Variants in ALG12 observed in about 807,000 individuals in gnomAD.
ALG12 encodes ALG12 alpha-1,6-mannosyltransferase.
In ALG12, 36 loss-of-function variants were observed where a neutral mutation model predicts 46.0. That is an observed-to-expected ratio of 0.78 (90% CI 0.60 to 1.03). The LOEUF (loss-of-function observed/expected upper bound fraction) is 1.03, where lower values mean the gene tolerates loss of function less well. Ranked by LOEUF, ALG12 falls within the 50% of genes least tolerant of loss-of-function variation. The pLI is 0.00. For synonymous variants in ALG12, 326 were observed against 291.6 expected (o/e 1.12, Z -1.20); for missense variants, 599 against 633.5 (o/e 0.95, Z 0.58).
downstream of ALG12, among the ~76,000 whole-genome samples, chr22:49,897,579 T>G (rs1015611147): frequency 4.6e-5 from 7 of 152,108 alleles, no homozygotes; most frequent in Non-Finnish European, 1.0e-4. Flanking sequence ...GACCATATAA[T>G]GAGGAGCATT....
Position 49,907,866 on chromosome 22 carries a change from A to C in ALG12, c.847T>G (p.Leu283Val). 1 of 1,613,984 alleles carries C rather than the reference A, an allele frequency of 6.2e-7. No homozygotes were observed. Among genetic ancestry groups the C allele is most frequent in the Non-Finnish European group, 8.5e-7 (1 of 1,180,028 alleles). ...GGCGCGTGCGTCCTTCTGTCTACCAAGCCCAGGGGGATGAAGAGCAGGCTG... is the reference window on the plus strand; with the variant it reads ...GGCGCGTGCGTCCTTCTGTCTACCACGCCCAGGGGGATGAAGAGCAGGCTG... ...GCSLLFIPLG[L>V]VDRRTHAPTV... Residue 283 changes from leucine to valine, a missense_variant, in exon 7 of 10, where the codon TTG becomes GTG. Physicochemically the swap from Leu to Val is conservative, Grantham distance 32. Coordinates refer to ENST00000330817, the MANE Select transcript of ALG12 (RefSeq NM_024105.4).
the ALG12 span, among the ~76,000 whole-genome samples, chr22:49,861,187 T>G: frequency 6.6e-6 from 1 of 152,174 alleles, no homozygotes; most frequent in South Asian, 2.1e-4. Flanking sequence ...TGACACTGTG[T>G]GTGTCTGGTT....
the ALG12 span, among the ~76,000 whole-genome samples, chr22:49,890,594 G>A: frequency 6.6e-6 from 1 of 152,200 alleles, no homozygotes; most frequent in Admixed American, 6.5e-5. Flanking sequence ...AACTCTTGAA[G>A]AATTGCCCTT....
chr22:49,884,460 T>G, the ALG12 span: 8 of 1,614,120 alleles, frequency 5.0e-6, no homozygotes, highest in South Asian at 8.8e-5. Flanking sequence ...ACGATGAACC[T>G]GCAGAGAACT....
chr22:49,879,079 A>AGGTTGCAG, the ALG12 span, among the ~76,000 whole-genome samples: 8 of 146,338 alleles, frequency 5.5e-5, no homozygotes, highest in South Asian at 2.4e-4. Context: ...GGGGAGGTGG[A>AGGTTGCAG]GGTTGCAGTG....
chr22:49,904,526 ACAT>A lies in ALG12; in HGVS notation c.993-23_993-21del, dbSNP rs1272361483. On this transcript the variant is annotated intron_variant, in intron 7 of 9. Coordinates refer to ENST00000330817, the MANE Select transcript of ALG12 (RefSeq NM_024105.4). ...TTCAGCCTGAAAAAAGAATGGTTAC[ACAT>A]CATAGGCAGAACGTAATGACAATAA... 6.2e-7 allele frequency: 1 copy of A among 1,613,882 alleles called. No homozygotes were observed. The highest frequency in any genetic ancestry group is 1.3e-5 in the African/African-American group (1 of 74,936).
chr22:49,910,710 T>C (rs2060571930), intron 3 of ALG12, 103 bp from the exon 4 acceptor site: 1 of 1,365,488 alleles, frequency 7.3e-7, no homozygotes, highest in Non-Finnish European at 1.0e-6. Flanking sequence ...TGGAGTTTTC[T>C]ATGCTGCTGC....
Position 49,906,850 on chromosome 22 carries a change from G to A in ALG12, c.992+871C>T, listed in dbSNP as rs1162755536. On this transcript the variant is annotated intron_variant, in intron 7 of 9. Coordinates refer to ENST00000330817, the MANE Select transcript of ALG12 (RefSeq NM_024105.4). This position sits in a 1 kb window ranked among gnomAD's most constrained non-coding sequence, Gnocchi z 4.4. Reference sequence around the variant, plus strand: ...ATGGACTCTCCTGGGCCTGAGCCCCGGGTCCTTCCCCAGCACCCACAGGGC... The same window carrying A: ...ATGGACTCTCCTGGGCCTGAGCCCCAGGTCCTTCCCCAGCACCCACAGGGC... Among the ~76,000 whole-genome samples the A allele has an allele frequency of 2.0e-5, 3 of 152,032 alleles. No homozygotes were observed. Among genetic ancestry groups the A allele is most frequent in the African/African-American group, 4.8e-5 (2 of 41,354 alleles).
At chr22:49,912,591 G>T (rs946505163) in intron 3 of ALG12, among the ~76,000 whole-genome samples, 1 of 152,178 alleles carries the variant, frequency 6.6e-6, no homozygotes, top group South Asian at 2.1e-4. Flanking sequence ...CCCCAGGAAC[G>T]TGCTACTTCT....
At chr22:49,915,228 C>A (rs976034597) in intron 1 of ALG12, among the ~76,000 whole-genome samples, 1 of 152,136 alleles carries the variant, frequency 6.6e-6, no homozygotes, top group South Asian at 2.1e-4. Context: ...AAACCTGGGG[C>A]CGGGCGCGGT....
chr22:49,869,021 G>A, the ALG12 span, among the ~76,000 whole-genome samples: 1 of 151,038 alleles, frequency 6.6e-6, no homozygotes, highest in East Asian at 1.9e-4. Context: ...CTGCTTGTGA[G>A]ACTGAGGCAG....
the ALG12 span, among the ~76,000 whole-genome samples, chr22:49,875,712 C>T: frequency 1.3e-4 from 20 of 152,218 alleles, no homozygotes; most frequent in East Asian, 1.4e-3. Flanking sequence ...TGAGTCACCC[C>T]GCCCAGCTTG....
chr22:49,897,113 C>A (rs2060486462), downstream of ALG12, among the ~76,000 whole-genome samples: 1 of 125,448 alleles, frequency 8.0e-6, no homozygotes, highest in Non-Finnish European at 1.5e-5. Context: ...CCTTTTCAGA[C>A]TGGCTTCATT....
intron 1 of ALG12, among the ~76,000 whole-genome samples, chr22:49,914,295 C>T (rs561974804): frequency 6.0e-4 from 92 of 152,324 alleles, no homozygotes; most frequent in African/African-American, 2.2e-3. Context: ...GGACAGGGGC[C>T]CCGGGAGGGC....
chr22:49,895,560 G>C (rs1036094930), downstream of ALG12, among the ~76,000 whole-genome samples: 1 of 152,014 alleles, frequency 6.6e-6, no homozygotes, highest in Non-Finnish European at 1.5e-5. Context: ...GCTGAAGCAG[G>C]AGAATCACTT....
chr22:49,904,595 T>C, intron 7 of ALG12, 89 bp from the exon 8 acceptor site: 17 of 1,445,872 alleles, frequency 1.2e-5, no homozygotes, highest in Non-Finnish European at 1.5e-5. Context: ...CATAACCTGC[T>C]GTTCAACTTC....
chr22:49,871,753 A>ATTTTTT, the ALG12 span, among the ~76,000 whole-genome samples: 1 of 46,734 alleles, frequency 2.1e-5, no homozygotes, highest in African/African-American at 4.7e-5. Flanking sequence ...TTATTTATTT[A>ATTTTTT]TTTATTTTTT....
rs77627744 is a variant in ALG12 at position 49,906,698 on chromosome 22, G to A, written c.992+1023C>T. Reference sequence around the variant, plus strand: ...GGCCCTCCTGGCCTGTAGCCCTGCCGCCCCTCAATGCCCAGCGTGGCCTGA... The same window carrying A: ...GGCCCTCCTGGCCTGTAGCCCTGCCACCCCTCAATGCCCAGCGTGGCCTGA... On this transcript the variant is annotated intron_variant, in intron 7 of 9. Coordinates refer to ENST00000330817, the MANE Select transcript of ALG12 (RefSeq NM_024105.4). The surrounding 1 kb of genome is among the most constrained non-coding windows in gnomAD (Gnocchi z 4.4). Among the ~76,000 whole-genome samples the A allele has an allele frequency of 9.9e-3, 1,511 of 152,242 alleles. 10 individuals carry two copies. The highest frequency in any genetic ancestry group is 0.024 in the East Asian group (126 of 5,158).
At chr22:49,871,740 A>T in the ALG12 span, among the ~76,000 whole-genome samples, 1,242 of 56,012 alleles carry the variant, frequency 0.022, 23 homozygotes, top group African/African-American at 0.051. Context: ...TGGCTGTGAC[A>T]ATTTATTTAT....
Sources: allele counts gnomAD v4.1 joint callset (sites outside exome capture counted in the v4.1 genomes callset), GRCh38; gene constraint gnomAD v4.1.1; non-coding constraint Gnocchi (gnomAD v3.1); transcripts MANE v1.5; gene names NCBI Gene and HGNC (gene_info 2026-07-23, HGNC 2026-07-21).